Variants in MYH6 observed in about 807,000 individuals in gnomAD.
MYH6 encodes the protein myosin heavy chain 6, also known as myosin-6.
In MYH6, 126 loss-of-function variants were observed where a neutral mutation model predicts 223.2. The ratio of observed to expected loss-of-function variants is 0.56; its 90% CI spans 0.49 to 0.65. MYH6 has a LOEUF of 0.65. MYH6 is among the 30% of genes least tolerant of loss of function. MYH6 has a pLI of 0.00. For missense variants in MYH6, 2,040 were observed against 2,536.4 expected, an observed-to-expected ratio of 0.80 and a Z score of 4.20; for synonymous variants, 978 against 1,010.2, an observed-to-expected ratio of 0.97 and a Z score of 0.61.
At position 23,388,236 on chromosome 14, in the gene MYH6, C is replaced by T; in HGVS notation, c.4278G>A (p.Glu1426=). 6.2e-7 allele frequency: 1 copy of T among 1,612,754 alleles called. No homozygotes were observed. Among genetic ancestry groups the T allele is most frequent in the African/African-American group, 1.3e-5 (1 of 75,024 alleles). ...CTACGTCCACCATCAAGTCCTCTATCTCATTCTGTAGCCGGTGCTTGGTCT... is the reference window on the plus strand; with the variant it reads ...CTACGTCCACCATCAAGTCCTCTATTTCATTCTGTAGCCGGTGCTTGGTCT... ...LEKTKHRLQN[E]IEDLMVDVER... The change falls in exon 30 of 39, where the codon GAG becomes GAA. Residue 1426 remains glutamate (E), a synonymous_variant. Coordinates refer to ENST00000405093, the MANE Select transcript of MYH6 (RefSeq NM_002471.4).
chr14:23,387,480 G>A, intron 32 of MYH6, 49 bp downstream of exon 32: 1 of 1,608,882 alleles, frequency 6.2e-7, no homozygotes, highest in Non-Finnish European at 8.5e-7. Context: ...GGAGAAGTGG[G>A]AGACAGCGGC....
At chr14:23,392,412 T>G in intron 25 of MYH6, 150 bp downstream of exon 25, 1 of 760,830 alleles carries the variant, frequency 1.3e-6, no homozygotes, top group South Asian at 1.4e-5. Flanking sequence ...GGAAGGCTAG[T>G]GTTCCTGAGC....
rs766450949 is a variant in MYH6 at position 23,387,739 on chromosome 14, T to C, written c.4525+19A>G. ...CCCTCCCACCAACTCATCTCTGGCC[T>C]CTTGGACCCCCAGCACACCCTGAAG... On this transcript the variant is annotated intron_variant, in intron 31 of 38. Transcript: ENST00000405093. 1.2e-6 allele frequency: 2 copies of C among 1,614,094 alleles called. No homozygotes were observed. Among genetic ancestry groups the C allele is most frequent in the Admixed American group, 3.3e-5 (2 of 60,020 alleles).
chr14:23,385,820 T>C, intron 34 of MYH6, 108 bp downstream of exon 34: 1 of 1,500,634 alleles, frequency 6.7e-7, no homozygotes, highest in Non-Finnish European at 9.3e-7. Flanking sequence ...AGAGAGGAAA[T>C]GATTTGTGAC....
At chr14:23,383,368 C>T (rs1268443413) in intron 36 of MYH6, 48 bp from the exon 37 acceptor site, 1 of 1,397,000 alleles carries the variant, frequency 7.2e-7, no homozygotes, top group South Asian at 1.2e-5. Context: ...GGAGCAAATG[C>T]AATCACCTTT....
chr14:23,404,619 C>T, intron 7 of MYH6, 92 bp downstream of exon 7: 1 of 1,306,112 alleles, frequency 7.7e-7, no homozygotes, highest in Non-Finnish European at 1.1e-6. Flanking sequence ...GTGGCTGTCC[C>T]CACCACGTCA....
At position 23,400,934 on chromosome 14, in the gene MYH6, G is replaced by A. The variant is rs201822160; in HGVS notation, c.1185C>T (p.Asp395=). 199 of 1,614,084 alleles carry A rather than the reference G, an allele frequency of 1.2e-4. No homozygotes were observed. Among genetic ancestry groups the A allele is most frequent in the Non-Finnish European group, 1.5e-4 (181 of 1,180,058 alleles). Residue 395 remains aspartate (D), a synonymous_variant, in exon 13 of 39, where the codon GAC becomes GAT. Coordinates refer to ENST00000405093, the MANE Select transcript of MYH6 (RefSeq NM_002471.4). ...GAGGGTGGCACAGCCCCTTGAGCAG[G>A]TCAGCTGAGTTCAGCCCCATGAGGT... The part of the protein sequence containing the change: ...SAYLMGLNSA[D]LLKGLCHPRV...
At chr14:23,387,694 C>T in intron 31 of MYH6, 41 bp from the exon 32 acceptor site, 1 of 1,614,108 alleles carries the variant, frequency 6.2e-7, no homozygotes, top group South Asian at 1.1e-5. Flanking sequence ...CCTATGTTCC[C>T]CCTGCCCCTG....
chr14:23,393,795 C>A lies in MYH6; in HGVS notation c.2799G>T (p.Glu933Asp). Residue 933 changes from glutamate (E) to aspartate (D), a missense_variant, in exon 22 of 39, where the codon GAG becomes GAT. Physicochemically the swap from Glu to Asp is conservative, Grantham distance 45 (BLOSUM62 2). Coordinates refer to ENST00000405093, the MANE Select transcript of MYH6 (RefSeq NM_002471.4). ...TCTTGGCAGTGAGCTCCGCGTTCAT[C>A]TCCTCCTCATCCTCCAGCCTCTCAT... The part of the protein sequence containing the change: ...EMNERLEDEE[E>D]MNAELTAKKR... 1 of 1,614,256 alleles carries A rather than the reference C, an allele frequency of 6.2e-7. No individual in the cohort carries two copies. Among genetic ancestry groups the A allele is most frequent in the Non-Finnish European group, 8.5e-7 (1 of 1,180,048 alleles).
In MYH6 at chr14:23,393,028, C is replaced by A. The variant is rs758449996; in HGVS notation, c.3135G>T (p.Lys1045Asn). The A allele has an allele frequency of 2.6e-5, 42 of 1,614,102 alleles. No individual in the cohort carries two copies. Among genetic ancestry groups the A allele is most frequent in the Non-Finnish European group, 3.3e-5 (39 of 1,180,048 alleles). Residue 1045 changes from lysine to asparagine, a missense_variant, in exon 24 of 39, where the codon AAG (lysine) becomes AAT (asparagine). Lys to Asn is a moderately conservative substitution (Grantham distance 94, BLOSUM62 0). Around this residue, in one of 4 missense-constraint regions of MYH6, gnomAD observed 1,203 missense variants for 1,400.2 expected, o/e 0.86. Coordinates refer to ENST00000405093, the MANE Select transcript of MYH6 (RefSeq NM_002471.4). ...DLEGSLEQEK[K>N]VRMDLERAKR... ...TTGCTCGCTCCAGGTCCATGCGCAC[C>A]TTCTTCTCTTGCTCTAGGGATCCCT...
intron 37 of MYH6, 131 bp from the exon 38 acceptor site, chr14:23,382,693 C>T (rs900377080): frequency 7.4e-7 from 1 of 1,359,148 alleles, no homozygotes; most frequent in Middle Eastern, 1.8e-4. Context: ...CAACAGCCTT[C>T]CCAAGGGTAT....
intron 20 of MYH6, 66 bp downstream of exon 20, chr14:23,396,218 A>T: frequency 6.2e-7 from 1 of 1,610,184 alleles, no homozygotes; most frequent in Non-Finnish European, 8.5e-7. Context: ...TCTGACCCAC[A>T]CTAGTTGACA....
rs548548081 is a variant in MYH6 at position 23,397,100 on chromosome 14, G to A, written c.2051-20C>T. 1 of 1,614,248 alleles carries A rather than the reference G, an allele frequency of 6.2e-7. No individual in the cohort carries two copies. The highest frequency in any genetic ancestry group is 1.7e-5 in the Admixed American group (1 of 60,036). ...TCACCCCTGTGTCAGGAGGGAAGGG[G>A]AAAGGGTCAGCCTTAGGGTAAAGTG... On this transcript the variant is annotated intron_variant, in intron 17 of 38. Coordinates refer to ENST00000405093, the MANE Select transcript of MYH6 (RefSeq NM_002471.4).
At chr14:23,386,274 T>G (rs1595049314) in intron 33 of MYH6, 41 bp downstream of exon 33, 1 of 1,613,920 alleles carries the variant, frequency 6.2e-7, no homozygotes, top group Non-Finnish European at 8.5e-7. Context: ...CCAGGCCACA[T>G]GGAGGCCAGT....
chr14:23,399,303 A>G (rs58439397), intron 14 of MYH6, among the ~76,000 whole-genome samples: 2,303 of 152,274 alleles, frequency 0.015, 46 homozygotes, highest in East Asian at 0.081. Flanking sequence ...GCCTCACAGC[A>G]CAGCCCCTTC....
At position 23,400,561 on chromosome 14, in the gene MYH6, C is replaced by T. The variant is rs1022474773; in HGVS notation, c.1411-135G>A. On this transcript the variant is annotated intron_variant, in intron 13 of 38. Transcript: ENST00000405093. The stretch of plus-strand genomic sequence containing the variant: ...GTCAGGGCAGTGGAGGAGGGCTTCC[C>T]CTGAAGACAGGGACAATGACTGCCT... 2.5e-6 allele frequency: 4 copies of T among 1,581,446 alleles called. No individual in the cohort carries two copies. The African/African-American group carries it at 4.0e-5, about 16-fold the overall frequency.
chr14:23,397,964 C>G (rs574267008), intron 15 of MYH6, among the ~76,000 whole-genome samples: 1 of 124,636 alleles, frequency 8.0e-6, no homozygotes, highest in Non-Finnish European at 1.7e-5. Context: ...TCTTCTTCTT[C>G]TTCTTCTTCT....
At position 23,387,887 on chromosome 14, in the gene MYH6, G is replaced by C. The variant is rs773067289; in HGVS notation, c.4396C>G (p.Gln1466Glu). The C allele has an allele frequency of 1.6e-5, 26 of 1,613,920 alleles. No individual in the cohort carries two copies. Among genetic ancestry groups the C allele is most frequent in the Non-Finnish European group, 2.2e-5 (26 of 1,180,028 alleles). ...AEWKQKYEES[Q>E]SELESSQKEA... is the part of the protein sequence containing the mutation. ...TTCTGTGAGGACTCCAGCTCAGACT[G>C]CGACTCCTCATACTTCTGCTTCCAC... Residue 1466 changes from glutamine to glutamate, a missense_variant, in exon 31 of 39, where the codon CAG becomes GAG. By Grantham distance (29) the Gln-to-Glu change is conservative (BLOSUM62 2). Transcript: ENST00000405093.
rs776971183 is a variant in MYH6 at position 23,394,199 on chromosome 14, C to T, written c.2554G>A (p.Ala852Thr). 1.2e-5 allele frequency: 19 copies of T among 1,614,120 alleles called. No homozygotes were observed. The African/African-American group carries it at 2.4e-4, about 20-fold the overall frequency. Residue 852 changes from alanine (A) to threonine (T), a missense_variant, in exon 21 of 39, where the codon GCC (alanine) becomes ACC (threonine). This residue lies in a region of MYH6 where 649 missense variants were observed against 877.3 expected (regional missense o/e 0.74). Coordinates refer to ENST00000405093, the MANE Select transcript of MYH6 (RefSeq NM_002471.4). ...CGCCCGAACTCTTCCTTCATGGTGG[C>T]CATCTCCTTCTCCGTCTCTGCGCTC... ...LKSAETEKEM[A>T]TMKEEFGRIK...
Sources: gnomAD v4.1 joint callset for allele counts (sites outside exome capture counted in the v4.1 genomes callset) on GRCh38, gnomAD v4.1.1 for gene constraint, gnomAD v4.1.1 regional missense constraint, MANE v1.5 for transcripts, NCBI Gene and HGNC (gene_info 2026-07-23, HGNC 2026-07-21) for gene names.